SPHKAP: variants seen among roughly 807,000 people sequenced by gnomAD.
SPHKAP encodes the protein SPHK1 interactor, AKAP domain containing.
In SPHKAP, 67 loss-of-function variants were observed where a neutral mutation model predicts 137.5. The ratio of observed to expected loss-of-function variants is 0.49; its 90% confidence interval spans 0.40 to 0.60. The LOEUF (loss-of-function observed/expected upper bound fraction) is 0.60, where lower values mean the gene tolerates loss of function less well. SPHKAP is among the 20% of genes least tolerant of loss of function. The pLI is 0.00. For missense variants in SPHKAP, 2,097 were observed against 2,069.3 expected, an observed-to-expected ratio of 1.01 and a Z score of -0.26; for synonymous variants, 813 against 785.3, an observed-to-expected ratio of 1.04 and a Z score of -0.59.
At chr2:228,107,857 C>T (rs1014964303) in intron 3 of SPHKAP, among the ~76,000 whole-genome samples, 13 of 152,096 alleles carry the variant, frequency 8.5e-5, no homozygotes, top group Admixed American at 2.6e-4. Context: ...ATCAAAAGTA[C>T]GAAAAGCAGC....
chr2:228,131,316 T>C, intron 2 of SPHKAP: 2 of 985,142 alleles, frequency 2.0e-6, no homozygotes, highest in Non-Finnish European at 2.4e-6. Context: ...TATACTTCCC[T>C]GGAATTCAGC....
chr2:228,003,055 T>C lies in SPHKAP; in HGVS notation c.4449-7361A>G, dbSNP rs1229381648. Among the ~76,000 whole-genome samples the C allele has an allele frequency of 2.6e-5, 4 of 152,344 alleles. No homozygotes were observed. The East Asian group carries it at 5.8e-4, about 22-fold the overall frequency. On this transcript the variant is annotated intron_variant, in intron 7 of 11. Coordinates refer to ENST00000392056, the MANE Select transcript of SPHKAP (RefSeq NM_001142644.2). ...AGGATTGACTTGGCAATGCGGGCTC[T>C]TTTTTGGTTCCATGTGAACTTTAAA...
chr2:227,994,303 G>A (rs1693540999), intron 8 of SPHKAP, among the ~76,000 whole-genome samples: 1 of 152,184 alleles, frequency 6.6e-6, no homozygotes, highest in African/African-American at 2.4e-5. Context: ...TTCATAGGCT[G>A]CACAGTCAAC....
intron 2 of SPHKAP, among the ~76,000 whole-genome samples, chr2:228,125,208 T>C (rs12618474): frequency 0.34 from 51,977 of 151,990 alleles, 9,170 homozygotes; most frequent in East Asian, 0.5. Context: ...CACTATATCC[T>C]AAATAGCAAA....
At chr2:228,052,281 A>G (rs781563565) in intron 3 of SPHKAP, among the ~76,000 whole-genome samples, 15 of 152,174 alleles carry the variant, frequency 9.9e-5, no homozygotes, top group Non-Finnish European at 2.1e-4. Flanking sequence ...GTAGAGTTAG[A>G]ACATTGGAAA....
intron 1 of SPHKAP, among the ~76,000 whole-genome samples, chr2:228,177,732 G>A (rs1030086536): frequency 4.6e-5 from 7 of 152,040 alleles, no homozygotes; most frequent in African/African-American, 1.7e-4. Context: ...AGATTCTGAT[G>A]AGTTTTAGTG....
intron 7 of SPHKAP, among the ~76,000 whole-genome samples, chr2:228,016,124 T>C (rs1694578593): frequency 6.6e-6 from 1 of 152,294 alleles, no homozygotes; most frequent in East Asian, 1.9e-4. Context: ...GAGATTTACT[T>C]TCAACTCTCT....
At chr2:227,997,654 C>T (rs1693685984) in intron 7 of SPHKAP, among the ~76,000 whole-genome samples, 1 of 152,170 alleles carries the variant, frequency 6.6e-6, no homozygotes, top group African/African-American at 2.4e-5. Flanking sequence ...CCAAGACACT[C>T]CCACCTCCCC....
At chr2:228,133,681 T>C (rs1699338584) in intron 1 of SPHKAP, among the ~76,000 whole-genome samples, 1 of 152,188 alleles carries the variant, frequency 6.6e-6, no homozygotes, top group African/African-American at 2.4e-5. Context: ...AAGTGCTAAA[T>C]AAAAGATCAG....
intron 3 of SPHKAP, among the ~76,000 whole-genome samples, chr2:228,106,410 T>C (rs1195365827): frequency 6.6e-6 from 1 of 152,188 alleles, no homozygotes; most frequent in Non-Finnish European, 1.5e-5. Flanking sequence ...AGTTATGAAC[T>C]GGTTACAAAG....
At chr2:228,012,163 C>CAAAAAAAAAAAAAAAAAAA (rs544782857) in intron 7 of SPHKAP, among the ~76,000 whole-genome samples, 2 of 84,918 alleles carry the variant, frequency 2.4e-5, no homozygotes, top group African/African-American at 9.8e-5. Flanking sequence ...GACTCTACCT[C>CAAAAAAAAAAAAAAAAAAA]AAAAAAAAAA....
chr2:228,062,451 C>T (rs1696682988), intron 3 of SPHKAP, among the ~76,000 whole-genome samples: 1 of 152,126 alleles, frequency 6.6e-6, no homozygotes, highest in African/African-American at 2.4e-5. Flanking sequence ...TTTAATGTTG[C>T]ATGTACTCCT....
intron 3 of SPHKAP, among the ~76,000 whole-genome samples, chr2:228,035,667 C>G (rs1291922415): frequency 6.6e-6 from 1 of 152,188 alleles, no homozygotes; most frequent in Non-Finnish European, 1.5e-5. Context: ...CAGCATGGCA[C>G]TGGTACCAAA....
At chr2:228,015,778 T>C (rs1258198473) in intron 7 of SPHKAP, among the ~76,000 whole-genome samples, 1 of 152,022 alleles carries the variant, frequency 6.6e-6, no homozygotes, top group Non-Finnish European at 1.5e-5. Context: ...CTTGGCAAGA[T>C]CTTTAGAAAA....
chr2:228,063,174 A>ATCTATCTATCTGTCTGTCTG (rs756046439), intron 3 of SPHKAP, among the ~76,000 whole-genome samples: 27 of 147,288 alleles, frequency 1.8e-4, no homozygotes, highest in African/African-American at 6.1e-4. Context: ...CTATCTATCT[A>ATCTATCTATCTGTCTGTCTG]TCTGTCTGTC....
At chr2:228,023,785 G>A (rs1048168015) in intron 5 of SPHKAP, among the ~76,000 whole-genome samples, 3 of 152,162 alleles carry the variant, frequency 2.0e-5, no homozygotes, top group African/African-American at 4.8e-5. Context: ...TGATTCACAC[G>A]GAGTTGATTC....
rs59745287 is a variant in SPHKAP at position 228,096,630 on chromosome 2, C to CTGTGTGTG, written c.246+12194_246+12201dup. 6.2e-3 allele frequency among the ~76,000 whole-genome samples: 921 copies of CTGTGTGTG among 148,878 alleles called. 10 individuals are homozygous for CTGTGTGTG. Among genetic ancestry groups the CTGTGTGTG allele is most frequent in the African/African-American group, 0.016 (628 of 40,202 alleles). On this transcript the variant is annotated intron_variant, in intron 3 of 11. Transcript: ENST00000392056. ...CAAACCCATGTTGTTCAGGGGTCAA[C>CTGTGTGTG]TGTGTGTGTGTGTGTGTGTGTGTGT...
At chr2:228,053,267 C>T (rs966883929) in intron 3 of SPHKAP, among the ~76,000 whole-genome samples, 1 of 152,150 alleles carries the variant, frequency 6.6e-6, no homozygotes, top group Non-Finnish European at 1.5e-5. Flanking sequence ...CACCCAAAGC[C>T]CCTATCTCTG....
chr2:227,991,140 T>A lies in SPHKAP; in HGVS notation c.4819A>T (p.Ser1607Cys). 6.2e-7 allele frequency: 1 copy of A among 1,614,064 alleles called. No homozygotes were observed. The highest frequency in any genetic ancestry group is 8.5e-7 in the Non-Finnish European group (1 of 1,180,002). Residue 1607 changes from serine (S) to cysteine (C), a missense_variant, in exon 11 of 12, where the codon AGC becomes TGC. Ser to Cys is a moderately radical substitution (Grantham distance 112, BLOSUM62 -1). Coordinates refer to ENST00000392056, the MANE Select transcript of SPHKAP (RefSeq NM_001142644.2). ...PPTGTASPQR[S>C]LLVINFDLEP... ...AGGTCAAAGTTGATCACCAGCAGGC[T>A]CCTCTGGGGGCTGGCTGTTCCCGTA...
Sources: allele counts gnomAD v4.1 joint callset (sites outside exome capture counted in the v4.1 genomes callset), GRCh38; gene constraint gnomAD v4.1.1; transcripts MANE v1.5; gene names NCBI Gene and HGNC (gene_info 2026-07-23, HGNC 2026-07-21).